TMPRSS15: variants seen among roughly 807,000 people sequenced by gnomAD.
The protein encoded by TMPRSS15 is enteropeptidase.
A neutral mutation model predicts 125.3 loss-of-function variants in TMPRSS15; 128 were observed. The observed-to-expected ratio is 1.02, with a 90% CI of 0.89 to 1.18. The LOEUF (loss-of-function observed/expected upper bound fraction) is 1.18, where lower values mean the gene tolerates loss of function less well. TMPRSS15 is among the 50% of genes most tolerant of loss of function. The pLI is 0.00. For missense variants in TMPRSS15, 1,283 were observed against 1,212.7 expected, an observed-to-expected ratio of 1.06 and a Z score of -0.86; for synonymous variants, 446 against 423.2, an observed-to-expected ratio of 1.05 and a Z score of -0.66.
intron 1 of TMPRSS15, among the ~76,000 whole-genome samples, chr21:18,410,664 C>T (rs930506005): frequency 1.3e-5 from 2 of 150,508 alleles, no homozygotes; most frequent in African/African-American, 4.9e-5. Flanking sequence ...TATGCCTCAA[C>T]TTTATTTTTC....
At chr21:18,368,680 C>T (rs1393558309) in intron 6 of TMPRSS15, among the ~76,000 whole-genome samples, 1 of 152,098 alleles carries the variant, frequency 6.6e-6, no homozygotes. Context: ...GATCAATTTT[C>T]CTGTCCAGTA....
chr21:18,463,621 T>C (rs2122954006), intron 1 of TMPRSS15, among the ~76,000 whole-genome samples: 3 of 152,060 alleles, frequency 2.0e-5, no homozygotes, highest in Admixed American at 2.0e-4. Flanking sequence ...TACAGAACTC[T>C]CCACCCCAAA....
chr21:18,307,078 C>G (rs1254861092), intron 18 of TMPRSS15, among the ~76,000 whole-genome samples: 2 of 152,142 alleles, frequency 1.3e-5, no homozygotes, highest in Non-Finnish European at 2.9e-5. Flanking sequence ...AAACACACAT[C>G]ATTTTAAACT....
At chr21:18,458,679 G>A (rs915192770) in intron 1 of TMPRSS15, among the ~76,000 whole-genome samples, 8 of 152,112 alleles carry the variant, frequency 5.3e-5, no homozygotes, top group African/African-American at 1.7e-4. Context: ...GTATTTCACA[G>A]CCACAGAATG....
intron 10 of TMPRSS15, among the ~76,000 whole-genome samples, chr21:18,344,936 A>G (rs2075489287): frequency 6.6e-6 from 1 of 152,216 alleles, no homozygotes; most frequent in Admixed American, 6.5e-5. Flanking sequence ...GAAATCAAGC[A>G]TCTTCTCTCT....
intron 10 of TMPRSS15, among the ~76,000 whole-genome samples, chr21:18,346,745 G>A (rs183651048): frequency 3.1e-4 from 47 of 152,280 alleles, no homozygotes; most frequent in Admixed American, 1.8e-3. Flanking sequence ...CTATTTCCAA[G>A]TGCATCTCAC....
chr21:18,472,480 T>TATATATATATATATACAC (rs1491127013), intron 1 of TMPRSS15, among the ~76,000 whole-genome samples: 12 of 112,348 alleles, frequency 1.1e-4, no homozygotes, highest in African/African-American at 3.7e-4. Context: ...TATATATATA[T>TATATATATATATATACAC]ACACACACAC....
upstream of TMPRSS15, among the ~76,000 whole-genome samples, chr21:18,405,540 C>T (rs903300128): frequency 6.6e-6 from 1 of 152,114 alleles, no homozygotes; most frequent in Non-Finnish European, 1.5e-5. Context: ...AGTGTTGTAT[C>T]AGTCCCAGCA....
Position 18,383,795 on chromosome 21 carries a change from G to A in TMPRSS15, c.345-17C>T. 1.2e-6 allele frequency: 2 copies of A among 1,610,458 alleles called. No individual in the cohort carries two copies. The highest frequency in any genetic ancestry group is 1.7e-6 in the Non-Finnish European group (2 of 1,178,126). On this transcript the variant is annotated splice_polypyrimidine_tract_variant and intron_variant, in intron 3 of 24. Coordinates refer to ENST00000284885, the MANE Select transcript of TMPRSS15 (RefSeq NM_002772.3). ...CTGCCATTTCTGCAAAGCAAAAGAG[G>A]ATATAAGAGGAAAAAGTCAGCCATC... is the stretch of plus-strand genomic sequence containing the variant.
chr21:18,362,082 C>T (rs1404987146), intron 7 of TMPRSS15, among the ~76,000 whole-genome samples: 2 of 152,178 alleles, frequency 1.3e-5, no homozygotes, highest in Admixed American at 6.5e-5. Flanking sequence ...TAAGACATGT[C>T]TGGTAACCAC....
chr21:18,289,371 G>C (rs1004807939), intron 21 of TMPRSS15, among the ~76,000 whole-genome samples: 1 of 152,154 alleles, frequency 6.6e-6, no homozygotes, highest in African/African-American at 2.4e-5. Context: ...AAGTAGCCGG[G>C]TGTGGTGGTG....
rs898404041 is a variant in TMPRSS15 at position 18,294,307 on chromosome 21, T to C, written c.2449A>G (p.Ser817Gly). 7 of 1,614,120 alleles carry C rather than the reference T, an allele frequency of 4.3e-6. No homozygotes were observed. The highest frequency in any genetic ancestry group is 4.2e-6 in the Non-Finnish European group (5 of 1,180,054). ...RLLCGASLVS[S>G]DWLVSAAHCV... ...TGTGCGGCGGACACCAGCCAGTCAC[T>C]GCTGACGAGAGATGCGCCGCAGAGC... Residue 817 changes from serine (S) to glycine (G), a missense_variant, in exon 21 of 25, where the codon AGT (serine) becomes GGT (glycine). Transcript: ENST00000284885.
intron 7 of TMPRSS15, among the ~76,000 whole-genome samples, chr21:18,362,007 C>G (rs990403873): frequency 6.6e-6 from 1 of 151,838 alleles, no homozygotes; most frequent in Non-Finnish European, 1.5e-5. Context: ...ATGATGAGCT[C>G]TTAGGTTTGA....
intron 11 of TMPRSS15, 53 bp from the exon 12 acceptor site, chr21:18,343,709 C>T (rs890117088): frequency 1.3e-6 from 2 of 1,557,256 alleles, no homozygotes. Context: ...TAGAATAAGT[C>T]CTTTTCAGAG....
rs2075474521 is a variant in TMPRSS15 at position 18,343,660 on chromosome 21, G to C, written c.1278-4C>G. The C allele has an allele frequency of 6.2e-7, 1 of 1,613,082 alleles. No individual in the cohort carries two copies. The highest frequency in any genetic ancestry group is 1.1e-5 in the South Asian group (1 of 91,018). ...ATTTTCACCATACATATGATACCTA[G>C]TTTGGAAAGAAGCAAAAATGTTTGG... On this transcript the variant is annotated splice_polypyrimidine_tract_variant and splice_region_variant and intron_variant, in intron 11 of 24. Transcript: ENST00000284885.
At chr21:18,368,872 T>C (rs567348942) in intron 6 of TMPRSS15, among the ~76,000 whole-genome samples, 1 of 152,298 alleles carries the variant, frequency 6.6e-6, no homozygotes, top group South Asian at 2.1e-4. Flanking sequence ...GCCAAAATAT[T>C]ATCTTCTCAA....
rs1408156983 is a variant in TMPRSS15 at position 18,396,792 on chromosome 21, A to AAATCTGTCTG, written c.344+1086_344+1087insCAGACAGATT. ...CTGTCTCAAAAAAAAAAAAAAAAAA[A>AAATCTGTCTG]TCTGTCTGTCTGTCTGTCTATCTAT... On this transcript the variant is annotated intron_variant, in intron 3 of 24. Coordinates refer to ENST00000284885, the MANE Select transcript of TMPRSS15 (RefSeq NM_002772.3). Among the ~76,000 whole-genome samples the AAATCTGTCTG allele has an allele frequency of 7.0e-3, 789 of 112,744 alleles. 33 individuals carry two copies. The highest frequency in any genetic ancestry group is 0.025 in the African/African-American group (718 of 29,232). The allele number at this position is 112,744 out of a possible 152,430, so 74.0% of individuals were successfully genotyped here.
chr21:18,356,796 G>C (rs776452264), intron 8 of TMPRSS15, among the ~76,000 whole-genome samples: 7 of 151,948 alleles, frequency 4.6e-5, no homozygotes, highest in Non-Finnish European at 8.8e-5. Flanking sequence ...AATGCAGTGT[G>C]ATTATTTTTG....
At chr21:18,307,174 TG>T (rs1361050544) in intron 18 of TMPRSS15, among the ~76,000 whole-genome samples, 2 of 152,226 alleles carry the variant, frequency 1.3e-5, no homozygotes, top group Non-Finnish European at 2.9e-5. Flanking sequence ...TAGAGCACTA[TG>T]GAGACTATTT....
Sources: gnomAD v4.1 joint callset for allele counts (sites outside exome capture counted in the v4.1 genomes callset) on GRCh38, gnomAD v4.1.1 for gene constraint, MANE v1.5 for transcripts, NCBI Gene and HGNC (gene_info 2026-07-23, HGNC 2026-07-21) for gene names.